The following COL15A1 variants were observed in gnomAD, a reference collection of about 807,000 sequenced individuals.
COL15A1 encodes the protein collagen type XV alpha 1 chain.
In COL15A1, 111 loss-of-function variants were observed where a neutral mutation model predicts 165.9. The ratio of observed to expected loss-of-function variants is 0.67; its 90% CI spans 0.57 to 0.78. The LOEUF is 0.78. Among genes scored for constraint, COL15A1 ranks in the 30% least tolerant of loss-of-function variants. COL15A1 has a pLI of 0.00. For missense variants in COL15A1, 1,745 were observed against 1,789.7 expected (o/e 0.98, Z 0.45); for synonymous variants, 659 against 674.8 (o/e 0.98, Z 0.36).
At chr9:98,987,021 C>T (rs1277150490) in intron 3 of COL15A1, among the ~76,000 whole-genome samples, 3 of 152,132 alleles carry the variant, frequency 2.0e-5, no homozygotes, top group African/African-American at 7.2e-5. Context: ...GACCTGGAGA[C>T]AGGAGGCTGC....
At chr9:98,960,624 C>T (rs531275773) in intron 2 of COL15A1, among the ~76,000 whole-genome samples, 1 of 152,260 alleles carries the variant, frequency 6.6e-6, no homozygotes, top group South Asian at 2.1e-4. Context: ...ATAGAGCTGG[C>T]CTGGTTCCAG....
Position 98,997,048 on chromosome 9 carries a change from A to G in COL15A1, c.919A>G (p.Met307Val). 2 of 1,614,186 alleles carry G rather than the reference A, an allele frequency of 1.2e-6. No individual in the cohort carries two copies. The highest frequency in any genetic ancestry group is 1.7e-6 in the Non-Finnish European group (2 of 1,180,028). The change falls in exon 6 of 42, where the codon ATG becomes GTG. Residue 307 changes from methionine (M) to valine (V), a missense_variant. Coordinates refer to ENST00000375001, the MANE Select transcript of COL15A1 (RefSeq NM_001855.5). ...CGAGGGGACCCTGGAAACCACCAAC[A>G]TGAGCATCATCCAGCACAGCAGCCC... Reference protein sequence around the residue: ...VPEGTLETTNMSIIQHSSPKQ... With the variant: ...VPEGTLETTNVSIIQHSSPKQ...
At chr9:99,054,768 C>A in intron 32 of COL15A1, 112 bp downstream of exon 32, 1 of 1,165,416 alleles carries the variant, frequency 8.6e-7, no homozygotes. Flanking sequence ...TCCACCCTGA[C>A]CACAGGCTCC....
chr9:99,069,757 C>A lies in COL15A1; in HGVS notation c.4038C>A (p.Asp1346Glu). ...DNYCEAWRTA[D>E]TAVTGLASPL... ...ACTGTGAAGCATGGCGAACCGCGGA[C>A]ACAGCGGTCACGGGACTTGCCTCCC... The change falls in exon 42 of 42, where the codon GAC becomes GAA. Residue 1346 changes from aspartate (D) to glutamate (E), a missense_variant. Asp to Glu is a conservative substitution (Grantham distance 45). Coordinates refer to ENST00000375001, the MANE Select transcript of COL15A1 (RefSeq NM_001855.5). 6.2e-7 allele frequency: 1 copy of A among 1,614,232 alleles called. No homozygotes were observed. Among genetic ancestry groups the A allele is most frequent in the Non-Finnish European group, 8.5e-7 (1 of 1,180,030 alleles).
chr9:99,021,600 G>A lies in COL15A1; in HGVS notation c.1702-491G>A, dbSNP rs77378384. The stretch of plus-strand genomic sequence containing the variant: ...GCATTTTCTGGGGCACTAGCCTTGT[G>A]CCAGGTGCTGGGACCTGGAGGTGAT... On this transcript the variant is annotated intron_variant, in intron 12 of 41. Transcript: ENST00000375001. Among the ~76,000 whole-genome samples, 267 of 152,338 alleles carry A rather than the reference G, an allele frequency of 1.8e-3. 1 individual carries two copies. The highest frequency in any genetic ancestry group is 2.2e-3 in the Non-Finnish European group (147 of 68,028).
chr9:98,970,334 A>G (rs1486457000), intron 2 of COL15A1, among the ~76,000 whole-genome samples: 2 of 152,262 alleles, frequency 1.3e-5, no homozygotes, highest in African/African-American at 4.8e-5. Context: ...TGCTTTGTGA[A>G]GCCAGGACCC....
At chr9:99,014,679 A>G (rs7862968) in intron 9 of COL15A1, among the ~76,000 whole-genome samples, 61,848 of 152,098 alleles carry the variant, frequency 0.41, 13,671 homozygotes, top group East Asian at 0.68. Flanking sequence ...CAAAGGTCAA[A>G]GACATGCCCG....
chr9:98,960,225 T>C (rs777925215), intron 2 of COL15A1, among the ~76,000 whole-genome samples: 8 of 151,898 alleles, frequency 5.3e-5, no homozygotes, highest in South Asian at 2.1e-4. Context: ...CTGGGCACCA[T>C]AGTGAGACAA....
chr9:99,059,793 G>A (rs1564093024), intron 35 of COL15A1, 96 bp from the exon 36 acceptor site: 1 of 1,343,336 alleles, frequency 7.4e-7, no homozygotes, highest in Non-Finnish European at 1.0e-6. Flanking sequence ...CGCTGTGAAT[G>A]GGGTTGAACA....
intron 16 of COL15A1, among the ~76,000 whole-genome samples, chr9:99,032,996 T>G (rs973362746): frequency 1.3e-5 from 2 of 152,264 alleles, no homozygotes; most frequent in African/African-American, 4.8e-5. Context: ...ATTGAATTGT[T>G]TTCTTAACTC....
At chr9:99,037,584 TAAAAA>T (rs1239478994) in intron 21 of COL15A1, among the ~76,000 whole-genome samples, 1 of 152,020 alleles carries the variant, frequency 6.6e-6, no homozygotes, top group Non-Finnish European at 1.5e-5. Context: ...TTTAAAAAAT[TAAAAA>T]TAAAGATAAG....
At chr9:98,981,253 T>C (rs1294534294) in intron 2 of COL15A1, among the ~76,000 whole-genome samples, 1 of 151,534 alleles carries the variant, frequency 6.6e-6, no homozygotes, top group African/African-American at 2.4e-5. Context: ...AGGTCAGGAG[T>C]TCGAGACTAG....
At chr9:98,963,326 C>T (rs1837893459) in intron 2 of COL15A1, among the ~76,000 whole-genome samples, 1 of 152,196 alleles carries the variant, frequency 6.6e-6, no homozygotes, top group Non-Finnish European at 1.5e-5. Context: ...AACCTGAGGC[C>T]TCAGAAAATG....
At chr9:98,990,807 T>G (rs950437475) in intron 5 of COL15A1, among the ~76,000 whole-genome samples, 2 of 152,216 alleles carry the variant, frequency 1.3e-5, no homozygotes, top group African/African-American at 4.8e-5. Context: ...GGTGCTATTG[T>G]GTCTGGAATT....
At chr9:99,018,151 G>A (rs994364266) in intron 11 of COL15A1, among the ~76,000 whole-genome samples, 27 of 152,108 alleles carry the variant, frequency 1.8e-4, no homozygotes, top group African/African-American at 5.3e-4. Flanking sequence ...GGGTTCCTTC[G>A]TATTATCTAA....
At chr9:99,048,100 G>A (rs1270643856) in intron 28 of COL15A1, 100 bp downstream of exon 28, 1 of 756,682 alleles carries the variant, frequency 1.3e-6, no homozygotes, top group African/African-American at 1.7e-5. Context: ...GTTCAGGAAT[G>A]TTGTTCTTCT....
chr9:98,971,310 T>G (rs1838047377), intron 2 of COL15A1, among the ~76,000 whole-genome samples: 1 of 152,154 alleles, frequency 6.6e-6, no homozygotes, highest in Admixed American at 6.5e-5. Flanking sequence ...CGTGCCATTT[T>G]CCATGTGTTT....
At chr9:98,971,678 T>C (rs769540395) in intron 2 of COL15A1, among the ~76,000 whole-genome samples, 5 of 152,224 alleles carry the variant, frequency 3.3e-5, no homozygotes, top group African/African-American at 4.8e-5. Context: ...CACTGCTTCT[T>C]CCTGAGATTG....
intron 14 of COL15A1, 67 bp downstream of exon 14, chr9:99,023,516 C>A: frequency 1.3e-6 from 1 of 782,952 alleles, no homozygotes; most frequent in Non-Finnish European, 2.2e-6. Flanking sequence ...GAGGGAGGGA[C>A]GTGGGGGCCA....
Sources: gnomAD v4.1 joint callset for allele counts (sites outside exome capture counted in the v4.1 genomes callset) on GRCh38, gnomAD v4.1.1 for gene constraint, MANE v1.5 for transcripts, NCBI Gene and HGNC (gene_info 2026-07-23, HGNC 2026-07-21) for gene names.